The following FDXR variants were observed in gnomAD, a reference collection of about 807,000 sequenced individuals.
FDXR encodes the protein NADPH:adrenodoxin oxidoreductase, mitochondrial.
A neutral mutation model predicts 58.3 loss-of-function variants in FDXR; 38 were observed. That is an observed-to-expected ratio of 0.65 (90% CI 0.50 to 0.85). The LOEUF (loss-of-function observed/expected upper bound fraction) is 0.85, where lower values mean the gene tolerates loss of function less well. Among genes scored for constraint, FDXR ranks in the 40% least tolerant of loss-of-function variants. FDXR has a pLI of 0.00. For synonymous variants in FDXR, 275 were observed against 273.8 expected, an observed-to-expected ratio of 1.00 and a Z score of -0.04; for missense variants, 624 against 671.0, an observed-to-expected ratio of 0.93 and a Z score of 0.77.
At position 74,862,879 on chromosome 17, in the gene FDXR, TGCCCTGGCCCCGG is replaced by T. The variant is rs2038018665; in HGVS notation, c.1401_1413del (p.Gln470SerfsTer50). 2 of 1,613,210 alleles carry T rather than the reference TGCCCTGGCCCCGG, an allele frequency of 1.2e-6. No individual in the cohort carries two copies. The highest frequency in any genetic ancestry group is 1.7e-6 in the Non-Finnish European group (2 of 1,179,984). ...ACCAGCTTCTCCCTGGGCTTCCCCG[TGCCCTGGCCCCGG>T]GCCACCTCCTCGGCATCCAGCTTCT... is the stretch of plus-strand genomic sequence containing the variant. On this transcript the variant is annotated frameshift_variant, in exon 12 of 12. Coordinates refer to ENST00000293195, the MANE Select transcript of FDXR (RefSeq NM_024417.5). LOFTEE classifies it high-confidence loss of function.
At chr17:74,872,589 G>A in intron 1 of FDXR, 1 of 692,080 alleles carries the variant, frequency 1.4e-6, no homozygotes, top group Non-Finnish European at 2.4e-6. Context: ...TCGCCCCACA[G>A]ACCTCCGTAT....
In FDXR at chr17:74,863,920, C is replaced by T. The variant is rs200240114; in HGVS notation, c.1150G>A (p.Glu384Lys). 2.7e-4 allele frequency: 429 copies of T among 1,613,794 alleles called. 1 individual carries two copies. Among genetic ancestry groups the T allele is most frequent in the Non-Finnish European group, 3.4e-4 (402 of 1,179,878 alleles). ...CCTGGCACATCCATAACCCGGCCCT[C>T]CACATTGGGGATGACCCCAAGCTTG... Reference protein sequence around the residue: ...DSKLGVIPNVEGRVMDVPGLY... With the variant: ...DSKLGVIPNVKGRVMDVPGLY... The change falls in exon 10 of 12, where the codon GAG (glutamate) becomes AAG (lysine). Residue 384 changes from glutamate (E) to lysine (K), a missense_variant. Physicochemically the swap from Glu to Lys is moderately conservative, Grantham distance 56. Transcript: ENST00000293195.
chr17:74,863,880 C>T lies in FDXR; in HGVS notation c.1174+16G>A. On this transcript the variant is annotated intron_variant, in intron 10 of 11. Transcript: ENST00000293195. ...CTCACCATAATTCAGCACCCAGCCT[C>T]CTCACACCCTCTCACCTGGCACATC... is the stretch of plus-strand genomic sequence containing the variant. 1.2e-6 allele frequency: 2 copies of T among 1,606,466 alleles called. No homozygotes were observed. Among genetic ancestry groups the T allele is most frequent in the Non-Finnish European group, 1.7e-6 (2 of 1,175,156 alleles).
rs2038007925 is a variant in FDXR at position 74,862,731 on chromosome 17, G to T, written c.*86C>A. 3 of 1,485,588 alleles carry T rather than the reference G, an allele frequency of 2.0e-6. No homozygotes were observed. Among genetic ancestry groups the T allele is most frequent in the Admixed American group, 4.2e-5 (2 of 47,660 alleles). 92.0% of individuals were successfully genotyped at this position (1,485,588 alleles called of 1,614,324 possible). ...GCCAGGGCCGGCCGGGATCAGCAGAGGTGCAAAGTCCCACTCAGACGGACC... is the reference window on the plus strand; with the variant it reads ...GCCAGGGCCGGCCGGGATCAGCAGATGTGCAAAGTCCCACTCAGACGGACC... On this transcript the variant is annotated 3_prime_UTR_variant, in exon 12 of 12. Transcript: ENST00000293195.
intron 2 of FDXR, among the ~76,000 whole-genome samples, chr17:74,870,868 T>C (rs1245003970): frequency 6.8e-6 from 1 of 146,974 alleles, no homozygotes. Context: ...AGTGATTTGA[T>C]CTTGGCTCAG....
At chr17:74,868,293 C>G (rs2038262747) in intron 2 of FDXR, 1 of 594,598 alleles carries the variant, frequency 1.7e-6, no homozygotes, top group East Asian at 2.8e-5. Flanking sequence ...CTAGCACTAG[C>G]TGGCTCTGTG....
rs866764736 is a variant in FDXR at position 74,862,651 on chromosome 17, G to A, written c.*166C>T. On this transcript the variant is annotated 3_prime_UTR_variant, in exon 12 of 12. Transcript: ENST00000293195. ...CTGAAAGCTAAAACCTTGCGCGCAA[G>A]GGCGACCTTCCCCAGGAGGGAGGAG... The A allele has an allele frequency of 1.2e-5, 12 of 980,262 alleles. No individual in the cohort carries two copies. Among genetic ancestry groups the A allele is most frequent in the Middle Eastern group, 3.3e-4 (1 of 3,000 alleles). The allele number at this position is 980,262 out of a possible 1,614,324, so 60.7% of individuals were successfully genotyped here. A position where few individuals can be genotyped will look rare whatever the true frequency, so the allele number is the denominator to read the frequency against.
intron 1 of FDXR, chr17:74,872,451 A>G: frequency 1.5e-6 from 1 of 662,246 alleles, no homozygotes. Context: ...ATATCATCCC[A>G]ATCTCGCCCC....
Position 74,862,733 on chromosome 17 carries a change from T to C in FDXR, c.*84A>G, listed in dbSNP as rs1448591244. On this transcript the variant is annotated 3_prime_UTR_variant, in exon 12 of 12. Coordinates refer to ENST00000293195, the MANE Select transcript of FDXR (RefSeq NM_024417.5). The stretch of plus-strand genomic sequence containing the variant: ...CAGGGCCGGCCGGGATCAGCAGAGG[T>C]GCAAAGTCCCACTCAGACGGACCCA... 6.0e-6 allele frequency: 9 copies of C among 1,491,102 alleles called. No individual in the cohort carries two copies. Among genetic ancestry groups the C allele is most frequent in the South Asian group, 2.6e-5 (2 of 76,624 alleles). 92.4% of individuals were successfully genotyped at this position (1,491,102 alleles called of 1,614,324 possible).
At position 74,864,508 on chromosome 17, in the gene FDXR, A is replaced by G. The variant is rs538104936; in HGVS notation, c.774T>C (p.Asp258=). 17 of 1,614,020 alleles carry G rather than the reference A, an allele frequency of 1.1e-5. No individual in the cohort carries two copies. The South Asian group carries it at 1.9e-4, about 18-fold the overall frequency. The change falls in exon 8 of 12, where the codon GAT becomes GAC. Residue 258 remains aspartate, a synonymous_variant. Transcript: ENST00000293195. ...PGARPILDPV[D]FLGLQDKIKE... is the part of the protein sequence containing the mutation. ...TGATCTTGTCCTGGAGACCCAAGAA[A>G]TCCACAGGATCCAAAATGGGCCGGG...
Position 74,863,985 on chromosome 17 carries a change from T to C in FDXR, c.1085A>G (p.Tyr362Cys), listed in dbSNP as rs150453254. Reference sequence around the variant, plus strand: ...GCTTGGGTCGACAGGGCGGCTCTTATACCCAATGCTGCTGAGCACCAGCCC... The same window carrying C: ...GCTTGGGTCGACAGGGCGGCTCTTACACCCAATGCTGCTGAGCACCAGCCC... ...PCGLVLSSIG[Y>C]KSRPVDPSVP... is the part of the protein sequence containing the mutation. The change falls in exon 10 of 12, where the codon TAT (tyrosine) becomes TGT (cysteine). Residue 362 changes from tyrosine to cysteine, a missense_variant. Physicochemically the swap from Tyr to Cys is radical, Grantham distance 194. Transcript: ENST00000293195. The C allele has an allele frequency of 2.5e-5, 41 of 1,613,950 alleles. No homozygotes were observed. In the African/African-American group the frequency reaches 4.4e-4, roughly 17 times the overall value.
At chr17:74,865,635 T>C in intron 6 of FDXR, 84 bp downstream of exon 6, 1 of 914,428 alleles carries the variant, frequency 1.1e-6, no homozygotes. Flanking sequence ...CTTGGAGAGG[T>C]AAGGCCTGAA....
intron 6 of FDXR, 97 bp from the exon 7 acceptor site, chr17:74,865,028 G>T: frequency 6.4e-7 from 1 of 1,573,090 alleles, no homozygotes; most frequent in South Asian, 1.1e-5. Context: ...GGAGAAGGCT[G>T]GCGGCTCAAA....
intron 8 of FDXR, 46 bp downstream of exon 8, chr17:74,864,434 G>T: frequency 6.2e-7 from 1 of 1,608,874 alleles, no homozygotes; most frequent in Non-Finnish European, 8.5e-7. Flanking sequence ...TCTGACCTAG[G>T]CCACCCTCTC....
chr17:74,864,823 C>T lies in FDXR; in HGVS notation c.717+1G>A, dbSNP rs1488859496. The stretch of plus-strand genomic sequence containing the variant: ...GGCTCCTCCCACTCTGGCCCCAGCA[C>T]CTTAATGGTGAAGGCCACTTGCAGG... On this transcript the variant is annotated splice_donor_variant, in intron 7 of 11. Transcript: ENST00000293195. LOFTEE classifies it high-confidence loss of function. The T allele has an allele frequency of 9.3e-6, 15 of 1,613,886 alleles. No individual in the cohort carries two copies. The highest frequency in any genetic ancestry group is 1.3e-5 in the African/African-American group (1 of 74,920).
intron 2 of FDXR, chr17:74,868,631 TAA>T (rs2038273278): frequency 1.1e-5 from 17 of 1,535,736 alleles, no homozygotes; most frequent in Non-Finnish European, 1.5e-5. Context: ...TCCGGAACGC[TAA>T]GTCTGCCGGA....
intron 3 of FDXR, 97 bp downstream of exon 3, chr17:74,866,687 C>T (rs509911): frequency 0.79 from 1,257,491 of 1,583,388 alleles, 502,320 homozygotes; most frequent in African/African-American, 0.94. Context: ...TGGGCACAGA[C>T]GGCATGAAGT....
Position 74,866,120 on chromosome 17 carries a change from C to T in FDXR, c.507+11G>A. ...GGAGGAAGAGGCAGCGGGCGTGCTC[C>T]CCATACTCACCTCCTGGTTCTCAGG... On this transcript the variant is annotated intron_variant, in intron 5 of 11. Coordinates refer to ENST00000293195, the MANE Select transcript of FDXR (RefSeq NM_024417.5). 1.3e-6 allele frequency: 2 copies of T among 1,595,122 alleles called. No individual in the cohort carries two copies. The highest frequency in any genetic ancestry group is 1.7e-6 in the Non-Finnish European group (2 of 1,164,000).
intron 1 of FDXR, chr17:74,872,435 G>A: frequency 1.4e-6 from 1 of 700,450 alleles, no homozygotes; most frequent in East Asian, 2.8e-5. Flanking sequence ...CCTTCCAACG[G>A]CCTCCATATC....
Sources: gnomAD v4.1 joint callset for allele counts (sites outside exome capture counted in the v4.1 genomes callset) on GRCh38, gnomAD v4.1.1 for gene constraint, MANE v1.5 for transcripts, NCBI Gene and HGNC (gene_info 2026-07-23, HGNC 2026-07-21) for gene names.